CSMD1: variants seen among roughly 807,000 people sequenced by gnomAD.
CSMD1 encodes CUB and sushi domain-containing protein 1.
A neutral mutation model predicts 417.5 loss-of-function variants in CSMD1; 213 were observed. That is an observed-to-expected ratio of 0.51 (90% CI 0.46 to 0.57). The LOEUF (loss-of-function observed/expected upper bound fraction) is 0.57, where lower values mean the gene tolerates loss of function less well. Among genes scored for constraint, CSMD1 ranks in the 20% least tolerant of loss-of-function variants. The pLI is 0.00. For synonymous variants in CSMD1, 2,862 were observed against 1,736.8 expected, an observed-to-expected ratio of 1.65 and a Z score of -16.11; for missense variants, 6,923 against 4,529.7, an observed-to-expected ratio of 1.53 and a Z score of -15.17.
Position 3,284,233 on chromosome 8 carries a change from T to C in CSMD1, c.4064A>G (p.Glu1355Gly). Residue 1355 changes from glutamate to glycine, a missense_variant, in exon 26 of 70, where the codon GAG becomes GGG. Coordinates refer to ENST00000635120, the MANE Select transcript of CSMD1 (RefSeq NM_033225.6). The part of the protein sequence containing the change: ...LKEWSGSALP[E>G]DIHSTFNSLT... The stretch of plus-strand genomic sequence containing the variant: ...TGAGTTGAAGGTGCTGTGGATGTCC[T>C]CCGGAAGGGCGGAGCCACTCCACTC... The C allele has an allele frequency of 6.2e-7, 1 of 1,613,260 alleles. No individual in the cohort carries two copies. Among genetic ancestry groups the C allele is most frequent in the South Asian group, 1.1e-5 (1 of 90,838 alleles).
rs952413505 is a variant in CSMD1 at position 3,558,651 on chromosome 8, A to C, written c.1344+16294T>G. 6.1e-5 allele frequency among the ~76,000 whole-genome samples: 9 copies of C among 148,714 alleles called. No individual in the cohort carries two copies. The East Asian group carries it at 8.0e-4, about 13-fold the overall frequency. Reference sequence around the variant, plus strand: ...AGTGCCTCAATAGTACCCCGTGTCCACTCCTCCAATGATGAACGGTGTCTC... The same window carrying C: ...AGTGCCTCAATAGTACCCCGTGTCCCCTCCTCCAATGATGAACGGTGTCTC... On this transcript the variant is annotated intron_variant, in intron 10 of 69. Transcript: ENST00000635120.
intron 1 of CSMD1, among the ~76,000 whole-genome samples, chr8:4,722,578 C>T (rs190522781): frequency 1.3e-5 from 2 of 152,156 alleles, no homozygotes; most frequent in South Asian, 2.1e-4. Context: ...TTAGGAATGT[C>T]TGTGTTCCTT....
intron 1 of CSMD1, among the ~76,000 whole-genome samples, chr8:4,774,543 G>C (rs943899686): frequency 1.3e-5 from 2 of 152,152 alleles, no homozygotes; most frequent in South Asian, 2.1e-4. Context: ...TGTCCAGGCA[G>C]ACATATAGAC....
intron 5 of CSMD1, among the ~76,000 whole-genome samples, chr8:3,965,925 T>C (rs540484421): frequency 5.3e-4 from 80 of 152,348 alleles, no homozygotes; most frequent in Non-Finnish European, 9.7e-4. Flanking sequence ...CCAATGGTTA[T>C]GATTTTATAA....
chr8:4,874,525 G>C (rs1232982869), intron 1 of CSMD1, among the ~76,000 whole-genome samples: 2 of 151,472 alleles, frequency 1.3e-5, no homozygotes, highest in Non-Finnish European at 2.9e-5. Flanking sequence ...GAGCAGCTGG[G>C]ATTACGGGTG....
At chr8:4,610,188 T>C (rs983877440) in intron 2 of CSMD1, among the ~76,000 whole-genome samples, 2 of 152,124 alleles carry the variant, frequency 1.3e-5, no homozygotes, top group Admixed American at 1.3e-4. Flanking sequence ...CATTTAAAAC[T>C]AGGATGTAAA....
chr8:3,590,901 A>C (rs1800816498), intron 8 of CSMD1, among the ~76,000 whole-genome samples: 1 of 152,170 alleles, frequency 6.6e-6, no homozygotes. Flanking sequence ...TGTGCTTTCG[A>C]TGTCGAATAT....
intron 10 of CSMD1, among the ~76,000 whole-genome samples, chr8:3,507,210 G>A (rs543306998): frequency 6.6e-6 from 1 of 152,128 alleles, no homozygotes; most frequent in Non-Finnish European, 1.5e-5. Flanking sequence ...AATCTATTTT[G>A]TAACATTAGG....
At chr8:3,271,190 G>C (rs538899374) in intron 26 of CSMD1, among the ~76,000 whole-genome samples, 2 of 149,592 alleles carry the variant, frequency 1.3e-5, no homozygotes, top group South Asian at 2.1e-4. Context: ...TTGGTTTTTT[G>C]TTCTTGCGAT....
At chr8:3,571,547 G>A (rs9314501) in intron 10 of CSMD1, among the ~76,000 whole-genome samples, 1 of 151,256 alleles carries the variant, frequency 6.6e-6, no homozygotes, top group Non-Finnish European at 1.5e-5. Flanking sequence ...TCTCACCCAC[G>A]GCGTCATCTC....
At chr8:3,093,106 T>A (rs1815061123) in intron 47 of CSMD1, among the ~76,000 whole-genome samples, 1 of 152,178 alleles carries the variant, frequency 6.6e-6, no homozygotes, top group South Asian at 2.1e-4. Context: ...ATTGAAGTCC[T>A]ATGAAGTCCT....
At chr8:3,230,652 G>A (rs962184848) in intron 26 of CSMD1, among the ~76,000 whole-genome samples, 1 of 152,136 alleles carries the variant, frequency 6.6e-6, no homozygotes, top group African/African-American at 2.4e-5. Flanking sequence ...CTTAAGGTCT[G>A]TGCCTTCAAA....
chr8:4,078,100 T>A (rs1799928780), intron 3 of CSMD1, among the ~76,000 whole-genome samples: 1 of 152,172 alleles, frequency 6.6e-6, no homozygotes. Flanking sequence ...GAGAGAAATC[T>A]TCAAATAATT....
intron 49 of CSMD1, among the ~76,000 whole-genome samples, chr8:3,075,585 T>C (rs1371892996): frequency 6.6e-6 from 1 of 152,040 alleles, no homozygotes; most frequent in African/African-American, 2.4e-5. Context: ...CAGGCTAGCC[T>C]CATGTATTTC....
chr8:3,818,610 A>T (rs1044578740), intron 5 of CSMD1, among the ~76,000 whole-genome samples: 1 of 152,070 alleles, frequency 6.6e-6, no homozygotes, highest in African/African-American at 2.4e-5. Context: ...AAAAGGGAGA[A>T]ACAGGGTCCC....
chr8:4,170,002 T>G (rs541947467), intron 3 of CSMD1, among the ~76,000 whole-genome samples: 1 of 151,770 alleles, frequency 6.6e-6, no homozygotes, highest in Admixed American at 6.6e-5. Context: ...TGTTAGAGCC[T>G]AAGAGATCGT....
At position 3,396,335 on chromosome 8, in the gene CSMD1, G is replaced by A. The variant is rs757726712; in HGVS notation, c.2452C>T (p.Pro818Ser). 1.1e-5 allele frequency: 17 copies of A among 1,606,824 alleles called. No homozygotes were observed. The highest frequency in any genetic ancestry group is 1.4e-5 in the Non-Finnish European group (17 of 1,176,708). Residue 818 changes from proline (P) to serine (S), a missense_variant, in exon 17 of 70, where the codon CCA becomes TCA. By Grantham distance (74) the Pro-to-Ser change is moderately conservative (BLOSUM62 -1). Coordinates refer to ENST00000635120, the MANE Select transcript of CSMD1 (RefSeq NM_033225.6). ...NYDTLEVRDG[P>S]ASSSPLIGEY... The stretch of plus-strand genomic sequence containing the variant: ...CCGATCAGTGGGGACGAACTGGCTG[G>A]CCCATCTCTGACCTCCAAGGTGTCA...
At chr8:4,077,306 T>TATATATGTACATATATATATATGTAC (rs1563092845) in intron 3 of CSMD1, among the ~76,000 whole-genome samples, 1 of 138,580 alleles carries the variant, frequency 7.2e-6, no homozygotes, top group Admixed American at 7.1e-5. Context: ...TGTATATATA[T>TATATATGTACATATATATATATGTAC]ATATATATAT....
chr8:3,412,956 T>C (rs75314003), intron 12 of CSMD1, among the ~76,000 whole-genome samples: 15,061 of 152,074 alleles, frequency 0.099, 924 homozygotes, highest in East Asian at 0.25. Context: ...GGTCCTGGCA[T>C]AGCACAAATC....
Sources: allele counts gnomAD v4.1 joint callset (sites outside exome capture counted in the v4.1 genomes callset), GRCh38; gene constraint gnomAD v4.1.1; transcripts MANE v1.5; gene names NCBI Gene and HGNC (gene_info 2026-07-23, HGNC 2026-07-21).